The following C1orf141 variants were observed in gnomAD, a reference collection of about 807,000 sequenced individuals.
C1orf141 encodes the protein chromosome 1 open reading frame 141, also known as uncharacterized protein C1orf141.
In C1orf141, 19 loss-of-function variants were observed where a neutral mutation model predicts 23.2. The ratio of observed to expected loss-of-function variants is 0.82; its 90% CI spans 0.57 to 1.20. The LOEUF (loss-of-function observed/expected upper bound fraction) is 1.20, where lower values mean the gene tolerates loss of function less well. Among genes scored for constraint, C1orf141 ranks in the 50% most tolerant of loss-of-function variants. The probability of loss-of-function intolerance (pLI) is 0.00; values close to 1 mark genes in which losing one functional copy is unlikely to be tolerated. For synonymous variants in C1orf141, 153 were observed against 154.6 expected, an observed-to-expected ratio of 0.99 and a Z score of 0.08; for missense variants, 469 against 455.1, an observed-to-expected ratio of 1.03 and a Z score of -0.28.
At chr1:67,132,591 G>A (rs921475185) in intron 1 of C1orf141, among the ~76,000 whole-genome samples, 4 of 152,108 alleles carry the variant, frequency 2.6e-5, no homozygotes, top group African/African-American at 7.2e-5. Flanking sequence ...TTTGAAGCAA[G>A]AATTGACTTA....
At chr1:67,138,232 T>C (rs1002225307), upstream of C1orf141, among the ~76,000 whole-genome samples, 1 of 152,226 alleles carries the variant, frequency 6.6e-6, no homozygotes, top group Admixed American at 6.5e-5. Context: ...AACTCTGAAA[T>C]ATTAAGCTCT....
At chr1:67,136,284 T>C (rs992064427), upstream of C1orf141, among the ~76,000 whole-genome samples, 3 of 152,170 alleles carry the variant, frequency 2.0e-5, no homozygotes, top group Admixed American at 2.0e-4. Context: ...CAAGTGATCC[T>C]CTTGCCTTGT....
Position 67,115,467 on chromosome 1 carries a change from G to A in C1orf141, c.234-3C>T. The A allele has an allele frequency of 7.7e-6, 9 of 1,166,186 alleles. No homozygotes were observed. Among genetic ancestry groups the A allele is most frequent in the South Asian group, 3.0e-5 (2 of 65,758 alleles). The allele number at this position is 1,166,186 out of a possible 1,614,324, so 72.2% of individuals were successfully genotyped here. ...GCTCACATTTGAAAGAGACATGCCT[G>A]GAAGAAATAAAAATTAATTTAAATT... On this transcript the variant is annotated splice_region_variant and splice_polypyrimidine_tract_variant and intron_variant, in intron 4 of 7. Coordinates refer to ENST00000684719, the MANE Select transcript of C1orf141 (RefSeq NM_001276351.2).
intron 1 of C1orf141, among the ~76,000 whole-genome samples, chr1:67,134,134 G>C (rs1294486292): frequency 1.3e-5 from 2 of 152,092 alleles, no homozygotes; most frequent in Admixed American, 1.3e-4. Context: ...CTCCCCAGTA[G>C]GTGGGACTAC....
intron 7 of C1orf141, chr1:67,093,989 T>C (rs1178828012): frequency 6.5e-6 from 1 of 154,248 alleles, no homozygotes; most frequent in African/African-American, 2.4e-5. Flanking sequence ...AAAAAATGGA[T>C]TGAGTCAAAG....
chr1:67,137,192 G>T (rs993180641), upstream of C1orf141, among the ~76,000 whole-genome samples: 3 of 152,118 alleles, frequency 2.0e-5, no homozygotes, highest in Non-Finnish European at 2.9e-5. Context: ...GAACCCTCAG[G>T]TTCGATAATT....
Position 67,127,170 on chromosome 1 carries a change from G to T in C1orf141, c.71C>A (p.Thr24Lys). The stretch of plus-strand genomic sequence containing the variant: ...TGTAGCTTATACGTCACAAACCTTT[G>T]TTCTTCTGGCCAAGATTATCTCTGC... ...KQAEIILARR[T>K]KINRLQSEGR... is the part of the protein sequence containing the mutation. The change falls in exon 3 of 8, where the codon ACA becomes AAA. Residue 24 changes from threonine to lysine, a missense_variant. Transcript: ENST00000684719. The T allele has an allele frequency of 6.2e-7, 1 of 1,603,290 alleles. No individual in the cohort carries two copies. The highest frequency in any genetic ancestry group is 8.5e-7 in the Non-Finnish European group (1 of 1,174,828).
chr1:67,131,610 T>G (rs1646516796), intron 1 of C1orf141, among the ~76,000 whole-genome samples: 1 of 151,966 alleles, frequency 6.6e-6, no homozygotes, highest in Non-Finnish European at 1.5e-5. Context: ...TCTAGTTTAT[T>G]CCTCCTTCCC....
rs751871898 is a variant in C1orf141, at chr1:67,127,166, C to T, written c.75G>A (p.Lys25=). Reference sequence around the variant, plus strand: ...GAATTGTAGCTTATACGTCACAAACCTTTGTTCTTCTGGCCAAGATTATCT... The same window carrying T: ...GAATTGTAGCTTATACGTCACAAACTTTTGTTCTTCTGGCCAAGATTATCT... ...QAEIILARRT[K]INRLQSEGRK... Residue 25 remains lysine, a splice_region_variant and synonymous_variant, in exon 3 of 8, where the codon AAG becomes AAA. Coordinates refer to ENST00000684719, the MANE Select transcript of C1orf141 (RefSeq NM_001276351.2). 6.2e-7 allele frequency: 1 copy of T among 1,600,978 alleles called. No individual in the cohort carries two copies.
chr1:67,130,052 G>A (rs532072724), intron 2 of C1orf141, among the ~76,000 whole-genome samples: 11 of 152,200 alleles, frequency 7.2e-5, no homozygotes, highest in African/African-American at 2.6e-4. Context: ...ATGACTTTCT[G>A]GATTTCTTAC....
intron 4 of C1orf141, among the ~76,000 whole-genome samples, chr1:67,124,307 AGTTT>A (rs111961813): frequency 2.0e-5 from 3 of 151,882 alleles, no homozygotes; most frequent in Non-Finnish European, 4.4e-5. Context: ...CAAATGTCAT[AGTTT>A]GTTTGTTTGT....
chr1:67,126,056 G>C, intron 3 of C1orf141, 147 bp from the exon 4 acceptor site: 3 of 910,494 alleles, frequency 3.3e-6, no homozygotes, highest in Non-Finnish European at 4.8e-6. Context: ...AAATAGTACA[G>C]ACTGAAAATT....
chr1:67,138,754 A>G (rs558770580), upstream of C1orf141, among the ~76,000 whole-genome samples: 16 of 152,220 alleles, frequency 1.1e-4, no homozygotes, highest in South Asian at 4.1e-4. Flanking sequence ...TGGGCTTTTT[A>G]TATCTGTGTC....
At chr1:67,126,594 A>C (rs1286942908) in intron 3 of C1orf141, among the ~76,000 whole-genome samples, 2 of 152,218 alleles carry the variant, frequency 1.3e-5, no homozygotes, top group Non-Finnish European at 1.5e-5. Context: ...AGCTCAGGCA[A>C]AATATATGAA....
chr1:67,111,947 T>A (rs1378083809), intron 5 of C1orf141, among the ~76,000 whole-genome samples: 1 of 152,236 alleles, frequency 6.6e-6, no homozygotes, highest in Non-Finnish European at 1.5e-5. Context: ...AAAAAATATT[T>A]TGGCTAATTC....
chr1:67,127,573 T>C (rs1374917135), intron 2 of C1orf141, among the ~76,000 whole-genome samples: 1 of 152,198 alleles, frequency 6.6e-6, no homozygotes, highest in Non-Finnish European at 1.5e-5. Flanking sequence ...GCTTGACTTA[T>C]ATCTATTTTC....
chr1:67,113,898 C>T (rs1391180333), intron 5 of C1orf141: 1 of 324,256 alleles, frequency 3.1e-6, no homozygotes, highest in African/African-American at 2.2e-5. Context: ...GAATCATTGA[C>T]TTAAAAGATG....
rs185850051 is a variant in C1orf141, at chr1:67,130,668, T to C, written c.-18+474A>G. Among the ~76,000 whole-genome samples the C allele has an allele frequency of 2.8e-3, 419 of 152,088 alleles. 2 individuals are homozygous for C. Among genetic ancestry groups the C allele is most frequent in the African/African-American group, 9.6e-3 (395 of 41,324 alleles). ...AAATTATTTGGCTATGAATGATTTC[T>C]GGAAAATCACTGTGCAGATCATGAA... On this transcript the variant is annotated intron_variant, in intron 2 of 7. Transcript: ENST00000684719.
chr1:67,138,775 G>C (rs1646606905), upstream of C1orf141: 1 of 152,304 alleles, frequency 6.6e-6, no homozygotes, highest in Non-Finnish European at 1.5e-5. Flanking sequence ...TTTTCATGCT[G>C]TTCCCTCAGC....
Sources: gnomAD v4.1 joint callset for allele counts (sites outside exome capture counted in the v4.1 genomes callset) on GRCh38, gnomAD v4.1.1 for gene constraint, MANE v1.5 for transcripts, NCBI Gene and HGNC (gene_info 2026-07-23, HGNC 2026-07-21) for gene names.